The following FJX1 variants were observed in gnomAD, a reference collection of about 807,000 sequenced individuals.
FJX1 encodes the protein four-jointed box protein 1.
A neutral mutation model predicts 28.7 loss-of-function variants in FJX1; 21 were observed. The ratio of observed to expected loss-of-function variants is 0.73; its 90% CI spans 0.52 to 1.05. The LOEUF (loss-of-function observed/expected upper bound fraction) is 1.05, where lower values mean the gene tolerates loss of function less well. FJX1 is among the 50% of genes least tolerant of loss of function. The probability of loss-of-function intolerance (pLI) is 0.00; values close to 1 mark genes in which losing one functional copy is unlikely to be tolerated. For missense variants in FJX1, 683 were observed against 647.2 expected, an observed-to-expected ratio of 1.06 and a Z score of -0.60; for synonymous variants, 363 against 310.0, an observed-to-expected ratio of 1.17 and a Z score of -1.80.
chr11:35,618,733 C>T lies in FJX1; in HGVS notation c.97C>T (p.Arg33Trp). The T allele has an allele frequency of 8.0e-7, 1 of 1,256,626 alleles. No individual in the cohort carries two copies. Among genetic ancestry groups the T allele is most frequent in the Non-Finnish European group, 1.0e-6 (1 of 986,872 alleles). The allele number at this position is 1,256,626 out of a possible 1,614,324, so 77.8% of individuals were successfully genotyped here. A position where few individuals can be genotyped will look rare whatever the true frequency, so the allele number is the denominator to read the frequency against. Residue 33 changes from arginine (R) to tryptophan (W), a missense_variant, in exon 1 of 1, where the codon CGG (arginine) becomes TGG (tryptophan). By Grantham distance (101) the Arg-to-Trp change is moderately radical (BLOSUM62 -3). Coordinates refer to ENST00000317811, the MANE Select transcript of FJX1 (RefSeq NM_014344.4). The surrounding 1 kb of genome is among the most constrained non-coding windows in gnomAD (Gnocchi z 4.2). ...GCTGTGGGGAGGGCTCCTGCCGCCG[C>T]GGACCGAGCTGCCCGCCTCCCGGCC... ...LALWGGLLPPRTELPASRPPE... is the reference protein window; with the variant it reads ...LALWGGLLPPWTELPASRPPE...
chr11:35,619,923 C>T lies in FJX1; in HGVS notation c.1287C>T (p.Ala429=). The T allele has an allele frequency of 6.3e-7, 1 of 1,586,188 alleles. No individual in the cohort carries two copies. Among genetic ancestry groups the T allele is most frequent in the Non-Finnish European group, 8.6e-7 (1 of 1,167,558 alleles). Residue 429 remains alanine (A), a synonymous_variant, in exon 1 of 1, where the codon GCC becomes GCT. Transcript: ENST00000317811. This position sits in a 1 kb window ranked among gnomAD's most constrained non-coding sequence, Gnocchi z 7.6. ...CCAAGCACATTTTGCACTGTAAGGC[C>T]AAGTACGGCCGCCGGTCTGGGACTT... The part of the protein sequence containing the change: ...FLAKHILHCK[A]KYGRRSGT
rs1405060326 is a variant in FJX1, at chr11:35,618,734, G to T, written c.98G>T (p.Arg33Leu). The change falls in exon 1 of 1, where the codon CGG becomes CTG. Residue 33 changes from arginine (R) to leucine (L), a missense_variant. Transcript: ENST00000317811. The surrounding 1 kb of genome is among the most constrained non-coding windows in gnomAD (Gnocchi z 4.2). ...LALWGGLLPP[R>L]TELPASRPPE... ...CTGTGGGGAGGGCTCCTGCCGCCGC[G>T]GACCGAGCTGCCCGCCTCCCGGCCG... The T allele has an allele frequency of 8.0e-7, 1 of 1,257,308 alleles. No individual in the cohort carries two copies. The highest frequency in any genetic ancestry group is 1.0e-6 in the Non-Finnish European group (1 of 986,836). 77.9% of individuals were successfully genotyped at this position (1,257,308 alleles called of 1,614,324 possible). A position where few individuals can be genotyped will look rare whatever the true frequency, so the allele number is the denominator to read the frequency against.
Position 35,620,309 on chromosome 11 carries a change from C to A in FJX1, c.*359C>A. On this transcript the variant is annotated 3_prime_UTR_variant, in exon 1 of 1. Coordinates refer to ENST00000317811, the MANE Select transcript of FJX1 (RefSeq NM_014344.4). ...CCCCATTCTTGGGCCCCCCCTCATT[C>A]CCTTTCCGAAAAAGGAAAACTTGCG... 1 of 357,804 alleles carries A rather than the reference C, an allele frequency of 2.8e-6. No individual in the cohort carries two copies. Among genetic ancestry groups the A allele is most frequent in the Non-Finnish European group, 5.3e-6 (1 of 187,960 alleles). The allele number at this position is 357,804 out of a possible 1,614,324, so 22.2% of individuals were successfully genotyped here. A position where few individuals can be genotyped will look rare whatever the true frequency, so the allele number is the denominator to read the frequency against.
Position 35,618,774 on chromosome 11 carries a change from C to T in FJX1, c.138C>T (p.Leu46=). Reference sequence around the variant, plus strand: ...CCTCCCGGCCGCCCGAAGACCGACTCCCACGGCGCCCGGCCCGGAGCGGCG... The same window carrying T: ...CCTCCCGGCCGCCCGAAGACCGACTTCCACGGCGCCCGGCCCGGAGCGGCG... ...LPASRPPEDR[L]PRRPARSGGP... is the part of the protein sequence containing the mutation. Residue 46 remains leucine, a synonymous_variant, in exon 1 of 1, where the codon CTC becomes CTT. Coordinates refer to ENST00000317811, the MANE Select transcript of FJX1 (RefSeq NM_014344.4). This position sits in a 1 kb window ranked among gnomAD's most constrained non-coding sequence, Gnocchi z 4.2. 1 of 1,255,678 alleles carries T rather than the reference C, an allele frequency of 8.0e-7. No individual in the cohort carries two copies. The highest frequency in any genetic ancestry group is 2.5e-5 in the South Asian group (1 of 39,794). The allele number at this position is 1,255,678 out of a possible 1,614,324, so 77.8% of individuals were successfully genotyped here. A position where few individuals can be genotyped will look rare whatever the true frequency, so the allele number is the denominator to read the frequency against.
chr11:35,618,631 G>T lies in FJX1; in HGVS notation c.-6G>T. ...GGCGGCGGCGCACCGGCACAGCCGC[G>T]GGAGCATGGGCAGGAGGATGCGGGG... On this transcript the variant is annotated 5_prime_UTR_variant, in exon 1 of 1. Transcript: ENST00000317811. The surrounding 1 kb of genome is among the most constrained non-coding windows in gnomAD (Gnocchi z 4.2). 8.6e-7 allele frequency: 1 copy of T among 1,164,022 alleles called. No homozygotes were observed. Among genetic ancestry groups the T allele is most frequent in the Non-Finnish European group, 1.1e-6 (1 of 947,288 alleles). 72.1% of individuals were successfully genotyped at this position (1,164,022 alleles called of 1,614,324 possible).
At position 35,618,823 on chromosome 11, in the gene FJX1, C is replaced by CCT; in HGVS notation, c.190_191dup (p.Pro65CysfsTer14). ...CGGCCCCGCGCCCGCGCCTCGCTTC[C>CCT]CTCTGCCCCCGCCCCTGGCGTGGGA... On this transcript the variant is annotated frameshift_variant, in exon 1 of 1. Coordinates refer to ENST00000317811, the MANE Select transcript of FJX1 (RefSeq NM_014344.4). LOFTEE classifies it high-confidence loss of function. The surrounding 1 kb of genome is among the most constrained non-coding windows in gnomAD (Gnocchi z 4.2). 1 of 1,304,080 alleles carries CCT rather than the reference C, an allele frequency of 7.7e-7. No homozygotes were observed. The highest frequency in any genetic ancestry group is 9.7e-7 in the Non-Finnish European group (1 of 1,031,166). 80.8% of individuals were successfully genotyped at this position (1,304,080 alleles called of 1,614,324 possible).
Position 35,618,661 on chromosome 11 carries a change from G to A in FJX1, c.25G>A (p.Ala9Thr), listed in dbSNP as rs1334552245. The A allele has an allele frequency of 2.0e-5, 24 of 1,196,462 alleles. No homozygotes were observed. The highest frequency in any genetic ancestry group is 2.3e-5 in the Non-Finnish European group (22 of 959,340). 74.1% of individuals were successfully genotyped at this position (1,196,462 alleles called of 1,614,324 possible). The change falls in exon 1 of 1, where the codon GCC becomes ACC. Residue 9 changes from alanine to threonine, a missense_variant. Transcript: ENST00000317811. The surrounding 1 kb of genome is among the most constrained non-coding windows in gnomAD (Gnocchi z 4.2). ...CATGGGCAGGAGGATGCGGGGCGCC[G>A]CCGCCACCGCGGGGCTCTGGCTGCT... MGRRMRGA[A>T]ATAGLWLLAL...
Position 35,620,071 on chromosome 11 carries a change from A to G in FJX1, c.*121A>G. 1 of 1,448,726 alleles carries G rather than the reference A, an allele frequency of 6.9e-7. No homozygotes were observed. The highest frequency in any genetic ancestry group is 9.3e-7 in the Non-Finnish European group (1 of 1,080,046). 89.7% of individuals were successfully genotyped at this position (1,448,726 alleles called of 1,614,324 possible). A position where few individuals can be genotyped will look rare whatever the true frequency, so the allele number is the denominator to read the frequency against. On this transcript the variant is annotated 3_prime_UTR_variant, in exon 1 of 1. Transcript: ENST00000317811. The stretch of plus-strand genomic sequence containing the variant: ...ACGCCCACCCGCAAAGGTGTCTAAA[A>G]ACTTCAGCTTTTCACCCACCTGCCC...
At position 35,619,650 on chromosome 11, in the gene FJX1, C is replaced by T; in HGVS notation, c.1014C>T (p.Asp338=). 6.2e-7 allele frequency: 1 copy of T among 1,611,386 alleles called. No homozygotes were observed. The stretch of plus-strand genomic sequence containing the variant: ...CGGGCGGGGCGCTGGTCTTTCTGGA[C>T]AATGAGGCGGGCTTGGTGCACGGCT... ...RGPGGALVFL[D]NEAGLVHGYR... The change falls in exon 1 of 1, where the codon GAC becomes GAT. Residue 338 remains aspartate (D), a synonymous_variant. Coordinates refer to ENST00000317811, the MANE Select transcript of FJX1 (RefSeq NM_014344.4). The surrounding 1 kb of genome is among the most constrained non-coding windows in gnomAD (Gnocchi z 7.6).
chr11:35,620,315 C>A lies in FJX1; in HGVS notation c.*365C>A, dbSNP rs1850884784. On this transcript the variant is annotated 3_prime_UTR_variant, in exon 1 of 1. Transcript: ENST00000317811. The stretch of plus-strand genomic sequence containing the variant: ...TCTTGGGCCCCCCCTCATTCCCTTT[C>A]CGAAAAAGGAAAACTTGCGTTTGAG... The A allele has an allele frequency of 2.9e-6, 1 of 342,986 alleles. No homozygotes were observed. The highest frequency in any genetic ancestry group is 4.9e-5 in the Admixed American group (1 of 20,492). The allele number at this position is 342,986 out of a possible 1,614,324, so 21.2% of individuals were successfully genotyped here. A position where few individuals can be genotyped will look rare whatever the true frequency, so the allele number is the denominator to read the frequency against.
Position 35,619,283 on chromosome 11 carries a change from A to G in FJX1, c.647A>G (p.Glu216Gly), listed in dbSNP as rs781017522. 13 of 1,558,894 alleles carry G rather than the reference A, an allele frequency of 8.3e-6. No homozygotes were observed. The African/African-American group carries it at 1.4e-4, about 16-fold the overall frequency. Reference protein sequence around the residue: ...HVPPLALARVEARGAQWAQVQ... With the variant: ...HVPPLALARVGARGAQWAQVQ... ...CCGCCGCTGGCACTGGCTCGGGTGG[A>G]GGCTCGGGGCGCGCAGTGGGCGCAG... is the stretch of plus-strand genomic sequence containing the variant. Residue 216 changes from glutamate (E) to glycine (G), a missense_variant, in exon 1 of 1, where the codon GAG (glutamate) becomes GGG (glycine). Physicochemically the swap from Glu to Gly is moderately conservative, Grantham distance 98. Transcript: ENST00000317811. The surrounding 1 kb of genome is among the most constrained non-coding windows in gnomAD (Gnocchi z 7.6).
At position 35,618,984 on chromosome 11, in the gene FJX1, C is replaced by T. The variant is rs1261197333; in HGVS notation, c.348C>T (p.Ala116=). ...SARQPRPEES[A]AVHGGVFWSR... is the part of the protein sequence containing the mutation. ...GGCAGCCCCGGCCGGAGGAGAGCGC[C>T]GCGGTGCACGGGGGCGTCTTCTGGA... Residue 116 remains alanine, a synonymous_variant, in exon 1 of 1, where the codon GCC becomes GCT. Transcript: ENST00000317811. This position sits in a 1 kb window ranked among gnomAD's most constrained non-coding sequence, Gnocchi z 4.2. The T allele has an allele frequency of 1.4e-6, 2 of 1,476,046 alleles. No homozygotes were observed. Among genetic ancestry groups the T allele is most frequent in the East Asian group, 5.8e-5 (2 of 34,476 alleles). 91.4% of individuals were successfully genotyped at this position (1,476,046 alleles called of 1,614,324 possible).
rs946222933 is a variant in FJX1, at chr11:35,619,678, C to T, written c.1042C>T (p.Arg348Trp). Residue 348 changes from arginine to tryptophan, a missense_variant, in exon 1 of 1, where the codon CGG (arginine) becomes TGG (tryptophan). By Grantham distance (101) the Arg-to-Trp change is moderately radical. Transcript: ENST00000317811. The surrounding 1 kb of genome is among the most constrained non-coding windows in gnomAD (Gnocchi z 7.6). ...TGAGGCGGGCTTGGTGCACGGCTACCGGGTAGCAGGCATGTGGGACAAGTA... is the reference window on the plus strand; with the variant it reads ...TGAGGCGGGCTTGGTGCACGGCTACTGGGTAGCAGGCATGTGGGACAAGTA... ...DNEAGLVHGY[R>W]VAGMWDKYNE... The T allele has an allele frequency of 2.5e-6, 4 of 1,608,290 alleles. No individual in the cohort carries two copies. The highest frequency in any genetic ancestry group is 2.5e-6 in the Non-Finnish European group (3 of 1,178,700).
At position 35,619,254 on chromosome 11, in the gene FJX1, C is replaced by T; in HGVS notation, c.618C>T (p.His206=). The change falls in exon 1 of 1, where the codon CAC becomes CAT. Residue 206 remains histidine (H), a synonymous_variant. Coordinates refer to ENST00000317811, the MANE Select transcript of FJX1 (RefSeq NM_014344.4). This position sits in a 1 kb window ranked among gnomAD's most constrained non-coding sequence, Gnocchi z 7.6. The part of the protein sequence containing the change: ...YLARLLGLQR[H]VPPLALARVE... ...CGCGCCTGCTGGGCCTCCAGCGCCA[C>T]GTGCCGCCGCTGGCACTGGCTCGGG... The T allele has an allele frequency of 1.3e-6, 2 of 1,569,988 alleles. No individual in the cohort carries two copies. Among genetic ancestry groups the T allele is most frequent in the Admixed American group, 1.8e-5 (1 of 55,230 alleles).
chr11:35,620,479 G>T lies in FJX1; in HGVS notation c.*529G>T. 1 of 203,074 alleles carries T rather than the reference G, an allele frequency of 4.9e-6. No individual in the cohort carries two copies. Among genetic ancestry groups the T allele is most frequent in the Non-Finnish European group, 1.1e-5 (1 of 93,334 alleles). 12.6% of individuals were successfully genotyped at this position (203,074 alleles called of 1,614,324 possible). Reference sequence around the variant, plus strand: ...CGCGATGGTGAGATCACTGTTCCAAGCAGGGGGACGGCTCGCGATAGGACA... The same window carrying T: ...CGCGATGGTGAGATCACTGTTCCAATCAGGGGGACGGCTCGCGATAGGACA... On this transcript the variant is annotated 3_prime_UTR_variant, in exon 1 of 1. Coordinates refer to ENST00000317811, the MANE Select transcript of FJX1 (RefSeq NM_014344.4).
chr11:35,620,724 C>T lies in FJX1; in HGVS notation c.*774C>T, dbSNP rs557671217. 21 of 166,910 alleles carry T rather than the reference C, an allele frequency of 1.3e-4. No homozygotes were observed. The highest frequency in any genetic ancestry group is 4.8e-4 in the African/African-American group (20 of 41,424). 10.3% of individuals were successfully genotyped at this position (166,910 alleles called of 1,614,324 possible). A position where few individuals can be genotyped will look rare whatever the true frequency, so the allele number is the denominator to read the frequency against. On this transcript the variant is annotated 3_prime_UTR_variant, in exon 1 of 1. Transcript: ENST00000317811. ...GAAAAAAAAAAATCAGTTTTATGCA[C>T]TTTATTTTGTTTTGATTTTCATTTT...
In FJX1 at chr11:35,619,476, G is replaced by T. The variant is rs1850869366; in HGVS notation, c.840G>T (p.Gln280His). The T allele has an allele frequency of 6.3e-7, 1 of 1,599,256 alleles. No individual in the cohort carries two copies. ...DAGGELANLSQAELVDLVQWT... is the reference protein window; with the variant it reads ...DAGGELANLSHAELVDLVQWT... ...GGGGTGAGCTGGCCAACCTCAGCCAGGCGGAGCTGGTGGACCTAGTACAAT... is the reference window on the plus strand; with the variant it reads ...GGGGTGAGCTGGCCAACCTCAGCCATGCGGAGCTGGTGGACCTAGTACAAT... Residue 280 changes from glutamine to histidine, a missense_variant, in exon 1 of 1, where the codon CAG becomes CAT. Transcript: ENST00000317811. This position sits in a 1 kb window ranked among gnomAD's most constrained non-coding sequence, Gnocchi z 7.6.
chr11:35,619,401 C>G lies in FJX1; in HGVS notation c.765C>G (p.Pro255=). 1.3e-6 allele frequency: 2 copies of G among 1,595,856 alleles called. No individual in the cohort carries two copies. The highest frequency in any genetic ancestry group is 8.5e-7 in the Non-Finnish European group (1 of 1,178,572). Residue 255 remains proline, a synonymous_variant, in exon 1 of 1, where the codon CCC becomes CCG. Transcript: ENST00000317811. This position sits in a 1 kb window ranked among gnomAD's most constrained non-coding sequence, Gnocchi z 7.6. ...CCAACCTCACGGACGTGGTGGTGCCCGCGCCCTGGCGCTCGGAGGACGGCC... is the reference window on the plus strand; with the variant it reads ...CCAACCTCACGGACGTGGTGGTGCCGGCGCCCTGGCGCTCGGAGGACGGCC... The part of the protein sequence containing the change: ...WLPNLTDVVV[P]APWRSEDGRL...
rs745974596 is a variant in FJX1, at chr11:35,619,400, C to T, written c.764C>T (p.Pro255Leu). The T allele has an allele frequency of 1.3e-6, 2 of 1,595,876 alleles. No homozygotes were observed. Among genetic ancestry groups the T allele is most frequent in the East Asian group, 4.5e-5 (2 of 44,736 alleles). Residue 255 changes from proline (P) to leucine (L), a missense_variant, in exon 1 of 1, where the codon CCC becomes CTC. Coordinates refer to ENST00000317811, the MANE Select transcript of FJX1 (RefSeq NM_014344.4). The surrounding 1 kb of genome is among the most constrained non-coding windows in gnomAD (Gnocchi z 7.6). ...CCCAACCTCACGGACGTGGTGGTGC[C>T]CGCGCCCTGGCGCTCGGAGGACGGC... ...WLPNLTDVVV[P>L]APWRSEDGRL...
Sources: gnomAD v4.1 joint callset for allele counts on GRCh38, gnomAD v4.1.1 for gene constraint, Gnocchi (gnomAD v3.1) non-coding constraint, MANE v1.5 for transcripts, NCBI Gene and HGNC (gene_info 2026-07-23, HGNC 2026-07-21) for gene names.